Variants in CDH10 observed in about 807,000 individuals in gnomAD.
CDH10 encodes cadherin-10.
In CDH10, 30 loss-of-function variants were observed where a neutral mutation model predicts 73.1. The ratio of observed to expected loss-of-function variants is 0.41; its 90% CI spans 0.31 to 0.56. The LOEUF is 0.56. Ranked by LOEUF, CDH10 falls within the 20% of genes least tolerant of loss-of-function variation. CDH10 has a pLI of 0.27. For missense variants in CDH10, 815 were observed against 973.7 expected, an observed-to-expected ratio of 0.84 and a Z score of 2.17; for synonymous variants, 345 against 348.2, an observed-to-expected ratio of 0.99 and a Z score of 0.10.
chr5:24,529,550 A>G (rs1169940923), intron 5 of CDH10, among the ~76,000 whole-genome samples: 2 of 152,028 alleles, frequency 1.3e-5, no homozygotes, highest in Admixed American at 1.3e-4. Context: ...TCAATAATCC[A>G]TGGGAAATAT....
rs71605680 is a variant in CDH10, at chr5:24,554,119, G to GGAGAGAGAGAGAGAGAGA, written c.232-16446_232-16445insTCTCTCTCTCTCTCTCTC. 2.3e-4 allele frequency: 9 copies of GGAGAGAGAGAGAGAGAGA among 39,776 alleles called. 1 individual carries two copies. Among genetic ancestry groups the GGAGAGAGAGAGAGAGAGA allele is most frequent in the Admixed American group, 2.5e-4 (1 of 3,948 alleles). The allele number at this position is 39,776 out of a possible 1,614,324, so 2.5% of individuals were successfully genotyped here. A position where few individuals can be genotyped will look rare whatever the true frequency, so the allele number is the denominator to read the frequency against. ...AGAGAAGGGGAGGTGGGCGGGGGGG[G>GGAGAGAGAGAGAGAGAGA]GAGAGAGAGAGACATTCAATCAGCC... On this transcript the variant is annotated intron_variant, in intron 2 of 11. Coordinates refer to ENST00000264463, the MANE Select transcript of CDH10 (RefSeq NM_006727.5).
intron 11 of CDH10, among the ~76,000 whole-genome samples, chr5:24,489,328 C>G (rs1741962662): frequency 6.6e-6 from 1 of 151,986 alleles, no homozygotes; most frequent in Non-Finnish European, 1.5e-5. Context: ...TGAGAGAAGG[C>G]AAACAATAAA....
chr5:24,576,383 G>A (rs1745599043), intron 2 of CDH10, among the ~76,000 whole-genome samples: 1 of 152,006 alleles, frequency 6.6e-6, no homozygotes, highest in African/African-American at 2.4e-5. Context: ...AGATTATTAT[G>A]TAACTTGACT....
At chr5:24,564,595 C>G (rs1745099861) in intron 2 of CDH10, among the ~76,000 whole-genome samples, 1 of 152,114 alleles carries the variant, frequency 6.6e-6, no homozygotes, top group African/African-American at 2.4e-5. Context: ...ACGGCCCCCT[C>G]CAGGACATTT....
chr5:24,509,212 T>G (rs1230213993), intron 7 of CDH10, among the ~76,000 whole-genome samples: 2 of 151,004 alleles, frequency 1.3e-5, no homozygotes, highest in Non-Finnish European at 2.9e-5. Flanking sequence ...TTTTTTTCAT[T>G]TTAAACAACA....
chr5:24,569,368 A>G (rs1266933431), intron 2 of CDH10, among the ~76,000 whole-genome samples: 1 of 152,110 alleles, frequency 6.6e-6, no homozygotes, highest in Non-Finnish European at 1.5e-5. Context: ...AAATGGCTAA[A>G]AAGTACATAT....
chr5:24,572,173 C>T (rs935070480), intron 2 of CDH10, among the ~76,000 whole-genome samples: 2 of 152,122 alleles, frequency 1.3e-5, no homozygotes, highest in African/African-American at 4.8e-5. Context: ...TAACCTGGAA[C>T]TTACAAGGAC....
chr5:24,537,049 A>AT, intron 3 of CDH10, among the ~76,000 whole-genome samples: 1 of 152,062 alleles, frequency 6.6e-6, no homozygotes. Context: ...TTTATATTAT[A>AT]TTTGGGATCA....
At chr5:24,626,722 G>A (rs1413813371) in intron 1 of CDH10, among the ~76,000 whole-genome samples, 9 of 151,338 alleles carry the variant, frequency 5.9e-5, no homozygotes, top group African/African-American at 1.5e-4. Flanking sequence ...TGCAGTGAGC[G>A]GAGAACATGC....
rs563632194 is a variant in CDH10, at chr5:24,637,855, G to A, written c.-124+6739C>T. Among the ~76,000 whole-genome samples, 568 of 151,818 alleles carry A rather than the reference G, an allele frequency of 3.7e-3. 1 individual carries two copies. The highest frequency in any genetic ancestry group is 6.3e-3 in the Admixed American group (96 of 15,202). Reference sequence around the variant, plus strand: ...CCCTAAGGGTGTTTCTGGAAACAGCGGTTCCTATGCAAAGTTTCATTTTGC... The same window carrying A: ...CCCTAAGGGTGTTTCTGGAAACAGCAGTTCCTATGCAAAGTTTCATTTTGC... On this transcript the variant is annotated intron_variant, in intron 1 of 11. Transcript: ENST00000264463.
intron 2 of CDH10, among the ~76,000 whole-genome samples, chr5:24,546,159 T>C (rs1339598018): frequency 6.6e-6 from 1 of 151,996 alleles, no homozygotes; most frequent in East Asian, 1.9e-4. Flanking sequence ...TAAAAGGCTA[T>C]GAATGCTATC....
At chr5:24,615,782 T>C (rs967140641) in intron 1 of CDH10, among the ~76,000 whole-genome samples, 1 of 152,186 alleles carries the variant, frequency 6.6e-6, no homozygotes, top group Non-Finnish European at 1.5e-5. Flanking sequence ...TTAAATCATA[T>C]ATGCAATTCA....
chr5:24,497,329 A>C (rs1340787114), intron 9 of CDH10, among the ~76,000 whole-genome samples: 1 of 151,980 alleles, frequency 6.6e-6, no homozygotes, highest in Admixed American at 6.6e-5. Flanking sequence ...TTCAGCTTAT[A>C]TCATGCTGAG....
chr5:24,640,136 A>G (rs1311105135), intron 1 of CDH10, among the ~76,000 whole-genome samples: 1 of 151,876 alleles, frequency 6.6e-6, no homozygotes, highest in Non-Finnish European at 1.5e-5. Flanking sequence ...AATACTGGCC[A>G]TAAAAATCAC....
intron 8 of CDH10, among the ~76,000 whole-genome samples, chr5:24,501,949 C>T (rs1459149292): frequency 6.6e-6 from 1 of 151,566 alleles, no homozygotes; most frequent in Non-Finnish European, 1.5e-5. Context: ...GAGGGAATCT[C>T]ACTCTGTCGC....
intron 2 of CDH10, among the ~76,000 whole-genome samples, chr5:24,575,352 C>CAAAAAAAAAAAAA (rs1388761427): frequency 4.2e-5 from 2 of 47,130 alleles, no homozygotes. Flanking sequence ...ACAACAAAAA[C>CAAAAAAAAAAAAA]AACAAAAAAA....
At chr5:24,504,981 A>T (rs1327082043) in intron 8 of CDH10, 131 bp downstream of exon 8, 1 of 678,984 alleles carries the variant, frequency 1.5e-6, no homozygotes, top group Non-Finnish European at 2.4e-6. Flanking sequence ...TGAGAAAATT[A>T]AAATTCATCT....
chr5:24,638,631 C>T (rs562454658), intron 1 of CDH10, among the ~76,000 whole-genome samples: 1 of 151,806 alleles, frequency 6.6e-6, no homozygotes, highest in Non-Finnish European at 1.5e-5. Flanking sequence ...CAGAATAAAT[C>T]TGCATGTTGC....
At chr5:24,526,810 A>G (rs1262629579) in intron 5 of CDH10, among the ~76,000 whole-genome samples, 4 of 151,802 alleles carry the variant, frequency 2.6e-5, no homozygotes, top group Admixed American at 2.0e-4. Flanking sequence ...CTTAAATAAT[A>G]TATGCAGCAT....
Sources: gnomAD v4.1 joint callset for allele counts (sites outside exome capture counted in the v4.1 genomes callset) on GRCh38, gnomAD v4.1.1 for gene constraint, MANE v1.5 for transcripts, NCBI Gene and HGNC (gene_info 2026-07-23, HGNC 2026-07-21) for gene names.